KCNN2: variants seen among roughly 807,000 people sequenced by gnomAD.
KCNN2 encodes the protein potassium calcium-activated channel subfamily N member 2.
Under a neutral mutation model 55.5 loss-of-function variants are expected in KCNN2, and 24 were observed. The observed-to-expected ratio is 0.43, with a 90% CI of 0.31 to 0.61. The LOEUF (loss-of-function observed/expected upper bound fraction) is 0.61. Ranked by LOEUF, KCNN2 falls within the 20% of genes least tolerant of loss-of-function variation. The probability of loss-of-function intolerance (pLI) is 0.08; values close to 1 mark genes in which losing one functional copy is unlikely to be tolerated. For synonymous variants in KCNN2, 431 were observed against 336.1 expected, an observed-to-expected ratio of 1.28 and a Z score of -3.09; for missense variants, 754 against 853.6, an observed-to-expected ratio of 0.88 and a Z score of 1.45.
At chr5:114,157,325 G>T (rs1580568193) in intron 1 of KCNN2, among the ~76,000 whole-genome samples, 2 of 152,138 alleles carry the variant, frequency 1.3e-5, no homozygotes, top group East Asian at 3.9e-4. Context: ...TCCCTACAAA[G>T]GACATGAACT....
intron 2 of KCNN2, chr5:114,253,840 A>G (rs969073416): frequency 1.3e-5 from 2 of 152,118 alleles, no homozygotes; most frequent in African/African-American, 4.8e-5. Flanking sequence ...TTATTTTTCG[A>G]AATAGTTTCA....
chr5:114,475,262 C>T (rs996119658), intron 5 of KCNN2, among the ~76,000 whole-genome samples: 2 of 151,646 alleles, frequency 1.3e-5, no homozygotes, highest in Admixed American at 6.6e-5. Flanking sequence ...CCTTGGCACT[C>T]GTGACTTTTT....
chr5:114,334,335 T>C (rs919995412), intron 2 of KCNN2, among the ~76,000 whole-genome samples: 3 of 151,686 alleles, frequency 2.0e-5, no homozygotes, highest in African/African-American at 7.3e-5. Context: ...TTGCCAACTG[T>C]GTAACTCTTG....
chr5:114,416,163 A>G (rs924602581), intron 3 of KCNN2, among the ~76,000 whole-genome samples: 4 of 152,134 alleles, frequency 2.6e-5, no homozygotes, highest in African/African-American at 9.6e-5. Context: ...TGGTTGTAGT[A>G]GCTGCGAAAA....
At chr5:114,214,355 C>A (rs781308640) in intron 1 of KCNN2, among the ~76,000 whole-genome samples, 1 of 151,822 alleles carries the variant, frequency 6.6e-6, no homozygotes, top group Non-Finnish European at 1.5e-5. Flanking sequence ...CGTTTGTCCA[C>A]CCATGACTTA....
At chr5:114,164,956 C>G (rs1357664644) in intron 1 of KCNN2, among the ~76,000 whole-genome samples, 1 of 152,008 alleles carries the variant, frequency 6.6e-6, no homozygotes, top group Non-Finnish European at 1.5e-5. Flanking sequence ...CCTAATGATC[C>G]TATAAGGAAG....
chr5:114,352,253 T>A (rs1188179910), intron 2 of KCNN2, among the ~76,000 whole-genome samples: 5 of 151,800 alleles, frequency 3.3e-5, no homozygotes, highest in Non-Finnish European at 1.5e-5. Flanking sequence ...TCTGTAAGGT[T>A]AGTAGTGATG....
At chr5:114,239,196 A>G (rs1263935166) in intron 2 of KCNN2, among the ~76,000 whole-genome samples, 1 of 152,160 alleles carries the variant, frequency 6.6e-6, no homozygotes, top group Non-Finnish European at 1.5e-5. Context: ...AGCTTAATGG[A>G]GAATTGGGAA....
At chr5:114,320,571 G>A (rs1290921021) in intron 2 of KCNN2, among the ~76,000 whole-genome samples, 2 of 150,638 alleles carry the variant, frequency 1.3e-5, no homozygotes, top group South Asian at 2.1e-4. Context: ...CCGAGATCGC[G>A]CCACTGCACT....
intron 2 of KCNN2, among the ~76,000 whole-genome samples, chr5:114,322,444 G>A (rs36963): frequency 0.47 from 71,500 of 151,994 alleles, 17,385 homozygotes; most frequent in East Asian, 0.87. Flanking sequence ...AGTCATATCT[G>A]TTTATTTTAT....
intron 1 of KCNN2, among the ~76,000 whole-genome samples, chr5:114,145,995 A>G (rs1268885345): frequency 6.6e-6 from 1 of 152,066 alleles, no homozygotes; most frequent in Non-Finnish European, 1.5e-5. Flanking sequence ...TCGTTGTTGC[A>G]TGCATCTTCA....
At position 114,366,357 on chromosome 5, in the gene KCNN2, C is replaced by T. The variant is rs1016887169; in HGVS notation, c.1218+2356C>T. Among the ~76,000 whole-genome samples, 3 of 152,068 alleles carry T rather than the reference C, an allele frequency of 2.0e-5. No homozygotes were observed. In the South Asian group the frequency reaches 6.2e-4, roughly 32 times the overall value. ...TATATGATATGTGGTTTCTGTTAAA[C>T]CCACTATACTTAAGATAATTTCAAA... On this transcript the variant is annotated intron_variant, in intron 2 of 7. Transcript: ENST00000673685.
chr5:114,255,602 T>C (rs1265694644), intron 2 of KCNN2, among the ~76,000 whole-genome samples: 1 of 152,004 alleles, frequency 6.6e-6, no homozygotes, highest in African/African-American at 2.4e-5. Context: ...ATCTTATAGG[T>C]AGAGAGGAAG....
chr5:114,064,019 C>A (rs1336990547), intron 1 of KCNN2, among the ~76,000 whole-genome samples: 1 of 152,166 alleles, frequency 6.6e-6, no homozygotes, highest in East Asian at 1.9e-4. Context: ...CAGGGATTCC[C>A]AGACTTGTCC....
At chr5:114,466,181 G>C (rs1440863076) in intron 4 of KCNN2, among the ~76,000 whole-genome samples, 2 of 151,966 alleles carry the variant, frequency 1.3e-5, no homozygotes, top group East Asian at 3.9e-4. Flanking sequence ...TACCCTTCAA[G>C]AGAAAACCAT....
chr5:114,487,099 A>G lies in KCNN2; in HGVS notation c.1940A>G (p.Lys647Arg), dbSNP rs530066791. 3.5e-5 allele frequency: 56 copies of G among 1,613,132 alleles called. 1 individual carries two copies. The highest frequency in any genetic ancestry group is 3.2e-4 in the Admixed American group (19 of 59,982). Reference protein sequence around the residue: ...NVLRETWLIYKNTKLVKKIDH... With the variant: ...NVLRETWLIYRNTKLVKKIDH... The stretch of plus-strand genomic sequence containing the variant: ...CTCAGGGAAACATGGCTAATTTACA[A>G]AAATACAAAGCTAGTGAAAAAGATA... Residue 647 changes from lysine (K) to arginine (R), a missense_variant, in exon 6 of 8, where the codon AAA becomes AGA. Coordinates refer to ENST00000673685, the MANE Select transcript of KCNN2 (RefSeq NM_021614.4).
Position 114,350,111 on chromosome 5 carries a change from T to A in KCNN2, c.-184-10834T>A, listed in dbSNP as rs529708463. ...GCTTATTTATTCTTTTAAATTTTTT[T>A]AAATTATTTTTATTTGCAATTGACA... On this transcript the variant is annotated intron_variant, in intron 2 of 10. Coordinates refer to the KCNN2 transcript ENST00000512097. 2.4e-3 allele frequency among the ~76,000 whole-genome samples: 371 copies of A among 152,102 alleles called. 1 individual carries two copies. The highest frequency in any genetic ancestry group is 7.2e-3 in the African/African-American group (301 of 41,560).
At chr5:114,491,882 CT>C (rs1183650608) in intron 6 of KCNN2, among the ~76,000 whole-genome samples, 1 of 152,010 alleles carries the variant, frequency 6.6e-6, no homozygotes, top group Non-Finnish European at 1.5e-5. Flanking sequence ...GGGCAGTTGC[CT>C]GTTTTTCAAA....
intron 1 of KCNN2, among the ~76,000 whole-genome samples, chr5:114,139,499 A>G (rs1380164898): frequency 6.8e-6 from 1 of 146,724 alleles, no homozygotes; most frequent in East Asian, 2.0e-4. Flanking sequence ...AAATATATCC[A>G]TAATTCACAT....
Sources: gnomAD v4.1 joint callset for allele counts (sites outside exome capture counted in the v4.1 genomes callset) on GRCh38, gnomAD v4.1.1 for gene constraint, MANE v1.5 for transcripts, NCBI Gene and HGNC (gene_info 2026-07-23, HGNC 2026-07-21) for gene names.